MYLK: variants seen among roughly 807,000 people sequenced by gnomAD.
MYLK encodes the protein myosin light chain kinase, smooth muscle.
In MYLK, 106 loss-of-function variants were observed where a neutral mutation model predicts 203.4. That is an observed-to-expected ratio of 0.52 (90% CI 0.45 to 0.61). The LOEUF (loss-of-function observed/expected upper bound fraction) is 0.61. Among genes scored for constraint, MYLK ranks in the 20% least tolerant of loss-of-function variants. MYLK has a pLI of 0.00. For synonymous variants in MYLK, 867 were observed against 959.5 expected (o/e 0.90, Z 1.78); for missense variants, 2,072 against 2,442.3 (o/e 0.85, Z 3.20).
intron 33 of MYLK, chr3:123,617,316 G>T (rs567696201): frequency 6.6e-6 from 1 of 152,268 alleles, no homozygotes; most frequent in Middle Eastern, 3.4e-3. Context: ...AAAAGGAAAA[G>T]AAACTTCAGA....
intron 4 of MYLK, among the ~76,000 whole-genome samples, chr3:123,787,424 C>G (rs753184472): frequency 6.6e-6 from 1 of 152,158 alleles, no homozygotes; most frequent in Non-Finnish European, 1.5e-5. Flanking sequence ...CGGCCAAATC[C>G]TTATGGGCTT....
At chr3:123,654,787 G>A (rs1247209019) in intron 24 of MYLK, among the ~76,000 whole-genome samples, 1 of 148,122 alleles carries the variant, frequency 6.8e-6, no homozygotes, top group Non-Finnish European at 1.5e-5. Context: ...TGCAATCTTG[G>A]CTCACTACAA....
At chr3:123,644,769 C>T (rs918472388) in intron 27 of MYLK, among the ~76,000 whole-genome samples, 4 of 152,132 alleles carry the variant, frequency 2.6e-5, no homozygotes, top group Non-Finnish European at 5.9e-5. Flanking sequence ...ATGTGGGCTA[C>T]GTATTTCCTG....
At chr3:123,703,591 C>T (rs765999244) in intron 16 of MYLK, among the ~76,000 whole-genome samples, 97 of 152,306 alleles carry the variant, frequency 6.4e-4, no homozygotes, top group Non-Finnish European at 1.1e-3. Flanking sequence ...CTCATGGGTG[C>T]CAGGCCCTGG....
At chr3:123,701,619 G>T in intron 16 of MYLK, 110 bp from the exon 17 acceptor site, 3 of 1,080,256 alleles carry the variant, frequency 2.8e-6, no homozygotes, top group South Asian at 1.3e-5. Flanking sequence ...GGAAGTCGCC[G>T]GCTTGACTGA....
chr3:123,658,374 A>G (rs2059457338), intron 23 of MYLK, among the ~76,000 whole-genome samples: 1 of 152,180 alleles, frequency 6.6e-6, no homozygotes, highest in African/African-American at 2.4e-5. Flanking sequence ...AAGTCAAATC[A>G]TGGTAGCCAA....
chr3:123,667,224 T>A, intron 20 of MYLK, 37 bp from the exon 21 acceptor site: 1 of 1,605,492 alleles, frequency 6.2e-7, no homozygotes, highest in Non-Finnish European at 8.5e-7. Context: ...TTCCTGTAGT[T>A]CTGTTTTTTT....
intron 5 of MYLK, among the ~76,000 whole-genome samples, chr3:123,744,523 C>T (rs552987342): frequency 1.8e-4 from 27 of 152,264 alleles, no homozygotes; most frequent in African/African-American, 6.0e-4. Flanking sequence ...AAGTAGAGAA[C>T]ATTTTTAGAA....
intron 27 of MYLK, among the ~76,000 whole-genome samples, chr3:123,645,368 A>G (rs935635885): frequency 6.6e-6 from 1 of 152,216 alleles, no homozygotes; most frequent in African/African-American, 2.4e-5. Flanking sequence ...GAAAGGAAAT[A>G]CTTGTGTGCC....
chr3:123,784,025 C>A (rs960700500), intron 4 of MYLK, among the ~76,000 whole-genome samples: 1 of 152,196 alleles, frequency 6.6e-6, no homozygotes, highest in Non-Finnish European at 1.5e-5. Flanking sequence ...CAAGAAATGT[C>A]ACGAGGCCCT....
At chr3:123,690,291 G>A (rs955690037) in intron 19 of MYLK, among the ~76,000 whole-genome samples, 33 of 152,208 alleles carry the variant, frequency 2.2e-4, no homozygotes, top group Admixed American at 3.9e-4. Flanking sequence ...GCTGCTTACG[G>A]CAAGTAGTTC....
intron 26 of MYLK, 63 bp from the exon 27 acceptor site, chr3:123,647,490 T>C (rs1008358177): frequency 8.3e-5 from 125 of 1,510,816 alleles, no homozygotes; most frequent in Non-Finnish European, 1.1e-4. Flanking sequence ...TAACTTGGGG[T>C]TGGCAAATTA....
rs1036349902 is a variant in MYLK at position 123,640,114 on chromosome 3, T to A, written c.4837+173A>T. 1.3e-5 allele frequency among the ~76,000 whole-genome samples: 2 copies of A among 151,918 alleles called. No individual in the cohort carries two copies. Among genetic ancestry groups the A allele is most frequent in the Non-Finnish European group, 2.9e-5 (2 of 67,980 alleles). On this transcript the variant is annotated intron_variant, in intron 28 of 33. Coordinates refer to ENST00000360304, the MANE Select transcript of MYLK (RefSeq NM_053025.4). The surrounding 1 kb of genome is among the most constrained non-coding windows in gnomAD (Gnocchi z 4.3). ...ATGATCCCACTTTTCTGATGGGGAA[T>A]TTGAGGCTTACTGTCACGTCTAGTA...
chr3:123,660,396 GAA>G, intron 23 of MYLK, among the ~76,000 whole-genome samples: 1 of 152,290 alleles, frequency 6.6e-6, no homozygotes, highest in East Asian at 1.9e-4. Flanking sequence ...TTAAAGATAT[GAA>G]AAGAGACCTG....
chr3:123,641,994 A>C (rs987430141), intron 27 of MYLK, among the ~76,000 whole-genome samples: 1 of 151,958 alleles, frequency 6.6e-6, no homozygotes, highest in African/African-American at 2.4e-5. Flanking sequence ...AGCTAGGACT[A>C]CAGGTATGTG....
rs548072170 is a variant in MYLK at position 123,662,017 on chromosome 3, ACTT to A, written c.3985+2085_3985+2087del. Among the ~76,000 whole-genome samples the A allele has an allele frequency of 4.9e-3, 743 of 152,228 alleles. 3 individuals carry two copies. Among genetic ancestry groups the A allele is most frequent in the African/African-American group, 0.017 (726 of 41,522 alleles). On this transcript the variant is annotated intron_variant, in intron 23 of 33. Transcript: ENST00000360304. ...TCCTTATTCACCTGGTTGGACAAGG[ACTT>A]CTTCTTCCCCAGCTGCTTAGGGGCT...
intron 13 of MYLK, 94 bp from the exon 14 acceptor site, chr3:123,709,987 G>A (rs563827707): frequency 1.4e-5 from 22 of 1,525,108 alleles, no homozygotes; most frequent in Non-Finnish European, 1.9e-5. Flanking sequence ...CTGTGTTGAT[G>A]CTCAGTTCCC....
intron 10 of MYLK, 104 bp downstream of exon 10, chr3:123,733,583 A>T: frequency 7.1e-7 from 1 of 1,402,288 alleles, no homozygotes; most frequent in Non-Finnish European, 1.0e-6. Flanking sequence ...GTCCAAGAAG[A>T]TGAGTGGATA....
chr3:123,855,586 T>C (rs1384131689), intron 2 of MYLK, among the ~76,000 whole-genome samples: 1 of 151,880 alleles, frequency 6.6e-6, no homozygotes, highest in Non-Finnish European at 1.5e-5. Context: ...CTACAGTGAG[T>C]TATGATTGTG....
Sources: allele counts gnomAD v4.1 joint callset (sites outside exome capture counted in the v4.1 genomes callset), GRCh38; gene constraint gnomAD v4.1.1; non-coding constraint Gnocchi (gnomAD v3.1); transcripts MANE v1.5; gene names NCBI Gene and HGNC (gene_info 2026-07-23, HGNC 2026-07-21).